The following ADAMTS18 variants were observed in gnomAD, a reference collection of about 807,000 sequenced individuals.
ADAMTS18 encodes ADAM metallopeptidase with thrombospondin type 1 motif 18.
In ADAMTS18, 157 loss-of-function variants were observed where a neutral mutation model predicts 165.9. That is an observed-to-expected ratio of 0.95 (90% confidence interval 0.83 to 1.08). The LOEUF is 1.08. Ranked by LOEUF, ADAMTS18 falls within the 50% of genes least tolerant of loss-of-function variation. The pLI, the probability that ADAMTS18 is intolerant of heterozygous loss-of-function variation, is 0.00. For missense variants in ADAMTS18, 2,040 were observed against 1,534.0 expected (o/e 1.33, Z -5.51); for synonymous variants, 782 against 578.2 (o/e 1.35, Z -5.06).
At chr16:77,360,615 A>C (rs2056698705) in intron 7 of ADAMTS18, among the ~76,000 whole-genome samples, 1 of 152,220 alleles carries the variant, frequency 6.6e-6, no homozygotes, top group Non-Finnish European at 1.5e-5. Context: ...GTCACTTTGC[A>C]CATTCCAAAT....
intron 16 of ADAMTS18, among the ~76,000 whole-genome samples, chr16:77,318,183 G>A (rs1417905611): frequency 1.3e-5 from 2 of 152,128 alleles, no homozygotes; most frequent in African/African-American, 4.8e-5. Flanking sequence ...TGTCAGTATT[G>A]GTCAAAATAC....
rs117577776 is a variant in ADAMTS18 at position 77,383,822 on chromosome 16, G to C, written c.496-16099C>G. On this transcript the variant is annotated intron_variant, in intron 3 of 22. Transcript: ENST00000282849. ...TCCCAAAGCGCTGGGATTATAGACC[G>C]GAGCCACCGTGCCTGGCCCAAAAAG... Among the ~76,000 whole-genome samples the C allele has an allele frequency of 3.9e-5, 6 of 152,170 alleles. No homozygotes were observed. The South Asian group carries it at 1.0e-3, about 26-fold the overall frequency.
At chr16:77,356,489 A>G (rs752650816) in intron 8 of ADAMTS18, among the ~76,000 whole-genome samples, 4 of 152,222 alleles carry the variant, frequency 2.6e-5, no homozygotes, top group South Asian at 2.1e-4. Flanking sequence ...AAGTAAGTAC[A>G]GAGAGATGAT....
chr16:77,321,293 C>G, intron 14 of ADAMTS18, 91 bp from the exon 15 acceptor site: 1 of 1,539,704 alleles, frequency 6.5e-7, no homozygotes, highest in Non-Finnish European at 8.9e-7. Flanking sequence ...TCTGTATTTA[C>G]AGAACATTAG....
chr16:77,290,598 G>A (rs1450020074), intron 21 of ADAMTS18: 1 of 155,232 alleles, frequency 6.4e-6, no homozygotes, highest in Non-Finnish European at 1.4e-5. Context: ...GTGATTAATG[G>A]TGAGGTGGGG....
In ADAMTS18 at chr16:77,364,142, T is replaced by C. The variant is rs150280068; in HGVS notation, c.972+46A>G. 4.0e-5 allele frequency: 64 copies of C among 1,610,832 alleles called. No individual in the cohort carries two copies. The African/African-American group carries it at 7.2e-4, about 18-fold the overall frequency. ...ACCCATGCAAGAGAATTCCATGACA[T>C]TTATTTTCTTTGGAGAGCCAGAAGG... On this transcript the variant is annotated intron_variant, in intron 5 of 22. Transcript: ENST00000282849.
intron 16 of ADAMTS18, among the ~76,000 whole-genome samples, chr16:77,318,721 T>A (rs766145731): frequency 6.6e-6 from 1 of 152,202 alleles, no homozygotes; most frequent in Non-Finnish European, 1.5e-5. Context: ...TCTGTTTTTT[T>A]CCCTAGCTGT....
chr16:77,359,635 T>A (rs1183420628), intron 7 of ADAMTS18, among the ~76,000 whole-genome samples: 2 of 152,192 alleles, frequency 1.3e-5, no homozygotes, highest in East Asian at 3.8e-4. Context: ...CTTGCTTTTG[T>A]TACATATTGT....
intron 19 of ADAMTS18, among the ~76,000 whole-genome samples, chr16:77,293,595 T>C (rs982296439): frequency 1.6e-4 from 25 of 151,880 alleles, no homozygotes; most frequent in African/African-American, 5.6e-4. Flanking sequence ...AAATATTCTC[T>C]CTCCCTCCTG....
rs781152512 is a variant in ADAMTS18, at chr16:77,319,994, T to A, written c.2387A>T (p.Gln796Leu). ...CCAGCCCCCGGTGAGGTAATACTTT[T>A]GACTGAGGCTTCGAACTGCGAGGTA... The part of the protein sequence containing the change: ...SSYLAVRSLS[Q>L]KYYLTGGWSI... The change falls in exon 16 of 23, where the codon CAA (glutamine) becomes CTA (leucine). Residue 796 changes from glutamine to leucine, a missense_variant. By Grantham distance (113) the Gln-to-Leu change is moderately radical. Transcript: ENST00000282849. The A allele has an allele frequency of 2.5e-6, 4 of 1,614,042 alleles. No homozygotes were observed. Among genetic ancestry groups the A allele is most frequent in the Non-Finnish European group, 3.4e-6 (4 of 1,180,020 alleles).
chr16:77,341,913 A>G, intron 10 of ADAMTS18, 114 bp from the exon 11 acceptor site: 2 of 852,736 alleles, frequency 2.3e-6, no homozygotes, highest in Non-Finnish European at 3.7e-6. Flanking sequence ...CAGAGCAATT[A>G]TTCAGAAAGT....
intron 3 of ADAMTS18, among the ~76,000 whole-genome samples, chr16:77,401,122 G>C: frequency 6.6e-6 from 1 of 152,044 alleles, no homozygotes; most frequent in Non-Finnish European, 1.5e-5. Context: ...AGGCGTGGTG[G>C]CGGGTGCCTA....
At chr16:77,305,524 C>T (rs553893354) in intron 16 of ADAMTS18, among the ~76,000 whole-genome samples, 1 of 152,312 alleles carries the variant, frequency 6.6e-6, no homozygotes, top group South Asian at 2.1e-4. Flanking sequence ...CTAAGCACAA[C>T]GTCCTCTGCA....
chr16:77,340,912 G>A (rs78552073), intron 11 of ADAMTS18, among the ~76,000 whole-genome samples: 5,922 of 152,072 alleles, frequency 0.039, 143 homozygotes, highest in African/African-American at 0.063. Context: ...TTCTGTATAG[G>A]TTTATACTGC....
intron 17 of ADAMTS18, among the ~76,000 whole-genome samples, chr16:77,298,210 C>G (rs768201155): frequency 9.9e-5 from 15 of 152,052 alleles, no homozygotes; most frequent in Non-Finnish European, 7.4e-5. Flanking sequence ...GCCACTGCAC[C>G]CGGCCTCTGC....
In ADAMTS18 at chr16:77,367,704, C is replaced by T. The variant is rs770516167; in HGVS notation, c.515G>A (p.Arg172Gln). ...TGGCGAGATGAGGAATTCATTTTTT[C>T]GTGTCCTTATTAAACCTGACTAAAA... ...CAGLSGLIRT[R>Q]KNEFLISPLP... The change falls in exon 4 of 23, where the codon CGA becomes CAA. Residue 172 changes from arginine (R) to glutamine (Q), a missense_variant. Arg to Gln is a conservative substitution (Grantham distance 43). Transcript: ENST00000282849. 4.3e-6 allele frequency: 7 copies of T among 1,613,980 alleles called. No homozygotes were observed. Among genetic ancestry groups the T allele is most frequent in the Admixed American group, 3.3e-5 (2 of 59,992 alleles).
At position 77,416,895 on chromosome 16, in the gene ADAMTS18, T is replaced by C. The variant is rs546567853; in HGVS notation, c.495+14400A>G. ...TTTAGAACAGTGATGGCAGCAGTGG[T>C]AAGAAGTGGTCAGAATTGCGCATGT... On this transcript the variant is annotated intron_variant, in intron 3 of 22. Coordinates refer to ENST00000282849, the MANE Select transcript of ADAMTS18 (RefSeq NM_199355.4). Among the ~76,000 whole-genome samples, 16 of 152,200 alleles carry C rather than the reference T, an allele frequency of 1.1e-4. No individual in the cohort carries two copies. The South Asian group carries it at 3.1e-3, about 30-fold the overall frequency.
chr16:77,363,007 T>G (rs1378288588), intron 6 of ADAMTS18, among the ~76,000 whole-genome samples: 1 of 152,222 alleles, frequency 6.6e-6, no homozygotes, highest in Non-Finnish European at 1.5e-5. Context: ...TCTCCACACC[T>G]GGGCAATTAG....
intron 8 of ADAMTS18, 75 bp from the exon 9 acceptor site, chr16:77,356,152 AGATGTATT>A: frequency 6.3e-7 from 1 of 1,593,732 alleles, no homozygotes; most frequent in Non-Finnish European, 8.6e-7. Flanking sequence ...GGAAGAATAA[AGATGTATT>A]GATCATCAAC....
Sources: allele counts gnomAD v4.1 joint callset (sites outside exome capture counted in the v4.1 genomes callset), GRCh38; gene constraint gnomAD v4.1.1; transcripts MANE v1.5; gene names NCBI Gene and HGNC (gene_info 2026-07-23, HGNC 2026-07-21).